HMCN1: variants seen among roughly 807,000 people sequenced by gnomAD.
HMCN1 encodes hemicentin 1.
HMCN1 carries 321 observed loss-of-function variants against 625.9 expected under a neutral mutation model. That is an observed-to-expected ratio of 0.51 (90% CI 0.47 to 0.56). The LOEUF is 0.56. HMCN1 is among the 20% of genes least tolerant of loss of function. The pLI, the probability that HMCN1 is intolerant of heterozygous loss-of-function variation, is 0.00. For synonymous variants in HMCN1, 2,425 were observed against 2,417.6 expected (o/e 1.00, Z -0.09); for missense variants, 6,588 against 6,887.3 (o/e 0.96, Z 1.54).
rs1650210439 is a variant in HMCN1 at position 185,963,888 on chromosome 1, A to G, written c.2091A>G (p.Arg697=). The G allele has an allele frequency of 6.2e-7, 1 of 1,611,818 alleles. No individual in the cohort carries two copies. The highest frequency in any genetic ancestry group is 8.5e-7 in the Non-Finnish European group (1 of 1,178,202). Reference sequence around the variant, plus strand: ...CAGATAAACAGAATTCTACTCTCAGATACATTGGCAAGTATAATCACTTTA... The same window carrying G: ...CAGATAAACAGAATTCTACTCTCAGGTACATTGGCAAGTATAATCACTTTA... ...AGTDKQNSTL[R]YIEAPKLMVV... Residue 697 remains arginine (R), a synonymous_variant, in exon 13 of 107, where the codon AGA becomes AGG. Transcript: ENST00000271588.
chr1:185,812,592 T>C (rs1292787615), intron 1 of HMCN1, among the ~76,000 whole-genome samples: 1 of 152,142 alleles, frequency 6.6e-6, no homozygotes, highest in Non-Finnish European at 1.5e-5. Flanking sequence ...TCTTATGAGG[T>C]TTTAAAGGTA....
intron 35 of HMCN1, among the ~76,000 whole-genome samples, chr1:186,022,181 G>C (rs1051437333): frequency 6.6e-6 from 1 of 152,100 alleles, no homozygotes; most frequent in Admixed American, 6.6e-5. Flanking sequence ...AGACAGTGAG[G>C]CTATCCTGTA....
chr1:185,819,350 G>T (rs1660047351), intron 1 of HMCN1, among the ~76,000 whole-genome samples: 1 of 151,712 alleles, frequency 6.6e-6, no homozygotes, highest in Non-Finnish European at 1.5e-5. Context: ...GCATTTTCTT[G>T]ATTTTAAAAT....
intron 36 of HMCN1, among the ~76,000 whole-genome samples, chr1:186,031,831 T>TA: frequency 6.6e-6 from 1 of 152,098 alleles, no homozygotes; most frequent in Non-Finnish European, 1.5e-5. Flanking sequence ...ATTTGGCTTT[T>TA]AAAAGTAATT....
At chr1:186,175,612 G>C (rs1001113632) in intron 103 of HMCN1, among the ~76,000 whole-genome samples, 2 of 152,100 alleles carry the variant, frequency 1.3e-5, no homozygotes, top group Non-Finnish European at 2.9e-5. Flanking sequence ...CCATAACCGT[G>C]ACTTTTCAGA....
chr1:186,145,940 G>A lies in HMCN1; in HGVS notation c.14608+17G>A, dbSNP rs1214551711. 4 of 1,612,868 alleles carry A rather than the reference G, an allele frequency of 2.5e-6. No homozygotes were observed. The highest frequency in any genetic ancestry group is 2.2e-5 in the South Asian group (2 of 90,938). On this transcript the variant is annotated intron_variant, in intron 93 of 106. Coordinates refer to ENST00000271588, the MANE Select transcript of HMCN1 (RefSeq NM_031935.3). ...CATGTCCAGGTAAGCAACTAAATTGGACTTTGGTAGCACATTTAGAGCCTT... is the reference window on the plus strand; with the variant it reads ...CATGTCCAGGTAAGCAACTAAATTGAACTTTGGTAGCACATTTAGAGCCTT...
intron 4 of HMCN1, among the ~76,000 whole-genome samples, chr1:185,898,141 G>A (rs1220838297): frequency 6.6e-6 from 1 of 152,184 alleles, no homozygotes; most frequent in Non-Finnish European, 1.5e-5. Flanking sequence ...TGTAGAGGGA[G>A]CTTTCACCTA....
chr1:185,900,490 G>A (rs1312982495), intron 4 of HMCN1, among the ~76,000 whole-genome samples: 1 of 151,842 alleles, frequency 6.6e-6, no homozygotes, highest in African/African-American at 2.4e-5. Context: ...ATATAATGTT[G>A]CATTTTTACC....
chr1:185,866,832 G>T (rs1033433063), intron 4 of HMCN1, among the ~76,000 whole-genome samples: 1 of 151,802 alleles, frequency 6.6e-6, no homozygotes, highest in South Asian at 2.1e-4. Flanking sequence ...AAAGATAAGG[G>T]TTTTTTAAAA....
Position 186,166,793 on chromosome 1 carries a change from T to C in HMCN1, c.15440-15T>C. On this transcript the variant is annotated splice_polypyrimidine_tract_variant and intron_variant, in intron 99 of 106. Transcript: ENST00000271588. ...TCTTCAGCTCACCTCAGTTGAATGA[T>C]TCCCTCTGTTGCAGATATTGATGAG... 1 of 1,614,118 alleles carries C rather than the reference T, an allele frequency of 6.2e-7. No homozygotes were observed. Among genetic ancestry groups the C allele is most frequent in the Non-Finnish European group, 8.5e-7 (1 of 1,179,980 alleles).
At chr1:185,775,773 A>G (rs1480703564) in intron 1 of HMCN1, among the ~76,000 whole-genome samples, 2 of 152,188 alleles carry the variant, frequency 1.3e-5, no homozygotes, top group African/African-American at 4.8e-5. Context: ...TTTAATCAAG[A>G]GGTTAGTGTT....
rs1449003489 is a variant in HMCN1 at position 185,902,411 on chromosome 1, CTA to C, written c.622-6924_622-6923del. ...TATCTATCTATCTATCTATCTCTAT[CTA>C]TCTATCTATCTATCTATCTATCTAT... On this transcript the variant is annotated intron_variant, in intron 4 of 106. Coordinates refer to ENST00000271588, the MANE Select transcript of HMCN1 (RefSeq NM_031935.3). Among the ~76,000 whole-genome samples, 279 of 129,588 alleles carry C rather than the reference CTA, an allele frequency of 2.2e-3. 3 individuals carry two copies. Among genetic ancestry groups the C allele is most frequent in the Middle Eastern group, 7.6e-3 (2 of 264 alleles). 85.0% of individuals were successfully genotyped at this position (129,588 alleles called of 152,430 possible).
chr1:185,852,529 T>G (rs1336261172), intron 2 of HMCN1, among the ~76,000 whole-genome samples: 1 of 151,334 alleles, frequency 6.6e-6, no homozygotes, highest in Non-Finnish European at 1.5e-5. Context: ...AAAAGCAGTT[T>G]TAATTTCCAT....
intron 22 of HMCN1, 56 bp downstream of exon 22, chr1:185,990,499 A>G: frequency 1.4e-6 from 2 of 1,459,708 alleles, no homozygotes; most frequent in Non-Finnish European, 1.9e-6. Context: ...CTCTTGGGAC[A>G]GATGGCCATG....
At chr1:186,013,146 A>T (rs1258499729) in intron 30 of HMCN1, among the ~76,000 whole-genome samples, 1 of 152,062 alleles carries the variant, frequency 6.6e-6, no homozygotes, top group Non-Finnish European at 1.5e-5. Context: ...TTTTGCTTTA[A>T]CTCTTTACTC....
chr1:185,867,158 T>TA (rs1235745956), intron 4 of HMCN1, among the ~76,000 whole-genome samples: 5 of 152,248 alleles, frequency 3.3e-5, no homozygotes, highest in African/African-American at 1.2e-4. Flanking sequence ...GATAGATTTA[T>TA]AAAATTAATC....
At chr1:185,837,257 C>T (rs1661226271) in intron 1 of HMCN1, among the ~76,000 whole-genome samples, 1 of 151,780 alleles carries the variant, frequency 6.6e-6, no homozygotes, top group African/African-American at 2.4e-5. Context: ...ACAAATATTC[C>T]AGGTTTATCA....
Position 185,977,989 on chromosome 1 carries a change from G to A in HMCN1, c.2566+8G>A. 2 of 1,583,448 alleles carry A rather than the reference G, an allele frequency of 1.3e-6. No individual in the cohort carries two copies. Among genetic ancestry groups the A allele is most frequent in the Non-Finnish European group, 1.7e-6 (2 of 1,152,674 alleles). ...GAGCTCTCTTTATTTTAAGTAGGTT[G>A]AAGGAAATATATTTTGTACGAATAT... On this transcript the variant is annotated splice_region_variant and intron_variant, in intron 16 of 106. Transcript: ENST00000271588.
chr1:186,038,997 A>T lies in HMCN1; in HGVS notation c.6020A>T (p.Gln2007Leu). 2 of 1,608,974 alleles carry T rather than the reference A, an allele frequency of 1.2e-6. No homozygotes were observed. The highest frequency in any genetic ancestry group is 1.7e-6 in the Non-Finnish European group (2 of 1,175,406). The change falls in exon 38 of 107, where the codon CAA becomes CTA. Residue 2007 changes from glutamine (Q) to leucine (L), a missense_variant. Physicochemically the swap from Gln to Leu is moderately radical, Grantham distance 113. This residue lies in a region of HMCN1 where 4,628 missense variants were observed against 4,853.1 expected (regional missense o/e 0.95). Coordinates refer to ENST00000271588, the MANE Select transcript of HMCN1 (RefSeq NM_031935.3). ...AGATELFYSL[Q>L]VHVAPSISGS... ...GCTACAGAGTTATTTTACAGTCTGCAAGTTCATGGTTAGTGCCACTTCACC... is the reference window on the plus strand; with the variant it reads ...GCTACAGAGTTATTTTACAGTCTGCTAGTTCATGGTTAGTGCCACTTCACC...
Sources: gnomAD v4.1 joint callset for allele counts (sites outside exome capture counted in the v4.1 genomes callset) on GRCh38, gnomAD v4.1.1 for gene constraint, gnomAD v4.1.1 regional missense constraint, MANE v1.5 for transcripts, NCBI Gene and HGNC (gene_info 2026-07-23, HGNC 2026-07-21) for gene names.